The following GALNT13 variants were observed in gnomAD, a reference collection of about 807,000 sequenced individuals.
GALNT13 encodes UDP-GalNAc:polypeptide N-acetylgalactosaminyltransferase 13.
Under a neutral mutation model 64.2 loss-of-function variants are expected in GALNT13, and 28 were observed. The ratio of observed to expected loss-of-function variants is 0.44; its 90% CI spans 0.32 to 0.60. The LOEUF (loss-of-function observed/expected upper bound fraction) is 0.60, where lower values mean the gene tolerates loss of function less well. Ranked by LOEUF, GALNT13 falls within the 20% of genes least tolerant of loss-of-function variation. GALNT13 has a pLI of 0.05. For synonymous variants in GALNT13, 214 were observed against 224.6 expected, an observed-to-expected ratio of 0.95 and a Z score of 0.42; for missense variants, 577 against 669.8, an observed-to-expected ratio of 0.86 and a Z score of 1.53.
At chr2:153,456,500 G>GT in the GALNT13 span, among the ~76,000 whole-genome samples, 1 of 152,158 alleles carries the variant, frequency 6.6e-6, no homozygotes, top group Non-Finnish European at 1.5e-5. Context: ...AGGGAGTGAT[G>GT]TTTACTTGAA....
At chr2:154,389,948 G>A (rs1574218717) in intron 9 of GALNT13, among the ~76,000 whole-genome samples, 1 of 152,164 alleles carries the variant, frequency 6.6e-6, no homozygotes, top group East Asian at 1.9e-4. Context: ...CAGATGCAGT[G>A]ATCTGGTAAG....
chr2:153,415,754 AC>A, the GALNT13 span, among the ~76,000 whole-genome samples: 1 of 152,120 alleles, frequency 6.6e-6, no homozygotes, highest in South Asian at 2.1e-4. Context: ...AAAAATAGAA[AC>A]CTTTCTGTGC....
chr2:153,394,295 G>T, the GALNT13 span, among the ~76,000 whole-genome samples: 16 of 152,116 alleles, frequency 1.1e-4, no homozygotes, highest in African/African-American at 3.9e-4. Context: ...ATATTTTCTG[G>T]ATACAACTAC....
intron 1 of GALNT13, among the ~76,000 whole-genome samples, chr2:153,881,113 T>C (rs1686751916): frequency 6.6e-6 from 1 of 152,202 alleles, no homozygotes; most frequent in Non-Finnish European, 1.5e-5. Context: ...ATTACCTTTG[T>C]CTACTTTTAG....
the GALNT13 span, among the ~76,000 whole-genome samples, chr2:153,640,345 G>A: frequency 3.3e-5 from 5 of 152,158 alleles, no homozygotes; most frequent in African/African-American, 7.2e-5. Context: ...ATCTAAGAAA[G>A]AGTGGTGGTC....
At chr2:153,134,421 TGCA>T in the GALNT13 span, among the ~76,000 whole-genome samples, 3 of 151,842 alleles carry the variant, frequency 2.0e-5, no homozygotes, top group Middle Eastern at 0.01. Flanking sequence ...ATTTTCTCCT[TGCA>T]TCCTCTGAAA....
At chr2:154,211,977 T>C (rs1328300319) in intron 4 of GALNT13, among the ~76,000 whole-genome samples, 1 of 151,034 alleles carries the variant, frequency 6.6e-6, no homozygotes, top group African/African-American at 2.4e-5. Flanking sequence ...GAGAAAGGAG[T>C]GGTAATCTGT....
At chr2:153,840,301 A>G in the GALNT13 span, among the ~76,000 whole-genome samples, 1 of 152,128 alleles carries the variant, frequency 6.6e-6, no homozygotes, top group Admixed American at 6.6e-5. Context: ...TCATTTATAT[A>G]GTTTGCTTTT....
chr2:154,006,479 A>C (rs1242463232), intron 3 of GALNT13, among the ~76,000 whole-genome samples: 2 of 152,168 alleles, frequency 1.3e-5, no homozygotes, highest in African/African-American at 2.4e-5. Flanking sequence ...TGATGTACTA[A>C]ATCTTGTAAA....
At chr2:153,177,758 G>A in the GALNT13 span, among the ~76,000 whole-genome samples, 1 of 152,082 alleles carries the variant, frequency 6.6e-6, no homozygotes, top group South Asian at 2.1e-4. Context: ...ATTTTAAAGT[G>A]TGTACTACAT....
the GALNT13 span, among the ~76,000 whole-genome samples, chr2:153,147,137 T>A: frequency 1.3e-4 from 19 of 146,802 alleles, no homozygotes; most frequent in Admixed American, 3.4e-4. Flanking sequence ...TAGACCCCCA[T>A]TCCCATTTGG....
At chr2:154,398,037 T>C (rs999933587) in intron 10 of GALNT13, among the ~76,000 whole-genome samples, 16 of 152,226 alleles carry the variant, frequency 1.1e-4, no homozygotes, top group African/African-American at 3.9e-4. Flanking sequence ...CTTTTTAAAA[T>C]AGAATAGTCT....
chr2:154,295,731 C>T (rs531344772), intron 8 of GALNT13, among the ~76,000 whole-genome samples: 100 of 152,038 alleles, frequency 6.6e-4, no homozygotes, highest in Non-Finnish European at 1.2e-3. Flanking sequence ...ACACATAGCT[C>T]ACATTCTCTT....
chr2:153,305,973 G>A, the GALNT13 span, among the ~76,000 whole-genome samples: 1 of 152,178 alleles, frequency 6.6e-6, no homozygotes, highest in African/African-American at 2.4e-5. Context: ...GGCAAACGTT[G>A]GAATGGTCAC....
intron 3 of GALNT13, among the ~76,000 whole-genome samples, chr2:154,128,159 G>C (rs1351898031): frequency 6.6e-6 from 1 of 152,048 alleles, no homozygotes; most frequent in East Asian, 1.9e-4. Flanking sequence ...TCATTTAAAG[G>C]TGTACCTACT....
At chr2:153,590,685 T>C in the GALNT13 span, among the ~76,000 whole-genome samples, 4 of 152,138 alleles carry the variant, frequency 2.6e-5, no homozygotes, top group Admixed American at 2.0e-4. Flanking sequence ...AATCAATAAA[T>C]TTGGTACATA....
chr2:153,217,139 G>A, the GALNT13 span, among the ~76,000 whole-genome samples: 4 of 151,784 alleles, frequency 2.6e-5, no homozygotes, highest in Non-Finnish European at 5.9e-5. Flanking sequence ...TATATTTCTG[G>A]AGTCTCTTTT....
At chr2:153,330,737 A>T in the GALNT13 span, among the ~76,000 whole-genome samples, 1 of 151,890 alleles carries the variant, frequency 6.6e-6, no homozygotes, top group South Asian at 2.1e-4. Flanking sequence ...AGATTGTTTG[A>T]CATCTTCATT....
intron 9 of GALNT13, among the ~76,000 whole-genome samples, chr2:154,330,459 T>C (rs139436394): frequency 1.3e-5 from 2 of 152,256 alleles, no homozygotes; most frequent in East Asian, 1.9e-4. Context: ...AAGCTAAATA[T>C]GGTAAGACAG....
Sources: allele counts gnomAD v4.1 joint callset (sites outside exome capture counted in the v4.1 genomes callset), GRCh38; gene constraint gnomAD v4.1.1; transcripts MANE v1.5; gene names NCBI Gene and HGNC (gene_info 2026-07-23, HGNC 2026-07-21).